LAMA1: variants seen among roughly 807,000 people sequenced by gnomAD.
The protein encoded by LAMA1 is laminin subunit alpha 1.
LAMA1 carries 219 observed loss-of-function variants against 348.7 expected under a neutral mutation model. The observed-to-expected ratio is 0.63, with a 90% CI of 0.56 to 0.70. The LOEUF (loss-of-function observed/expected upper bound fraction) is 0.70. LAMA1 is among the 30% of genes least tolerant of loss of function. The pLI is 0.00. For missense variants in LAMA1, 3,744 were observed against 3,888.0 expected (o/e 0.96, Z 0.99); for synonymous variants, 1,487 against 1,491.0 (o/e 1.00, Z 0.06).
chr18:6,992,782 G>T (rs1023907694), intron 35 of LAMA1, 62 bp from the exon 36 acceptor site: 19 of 1,421,436 alleles, frequency 1.3e-5, no homozygotes, highest in Non-Finnish European at 1.9e-5. Flanking sequence ...ACCAAGTGAA[G>T]AACTTAGAAA....
At chr18:7,097,175 TAAC>T (rs1262668024) in intron 1 of LAMA1, among the ~76,000 whole-genome samples, 12 of 151,482 alleles carry the variant, frequency 7.9e-5, no homozygotes, top group African/African-American at 2.7e-4. Flanking sequence ...AAAATTGTAA[TAAC>T]GAGATCCTGG....
At chr18:7,087,447 T>C (rs1250322648) in intron 1 of LAMA1, among the ~76,000 whole-genome samples, 1 of 152,214 alleles carries the variant, frequency 6.6e-6, no homozygotes, top group African/African-American at 2.4e-5. Flanking sequence ...TCCTGGAGGA[T>C]GGCTTTGCTT....
chr18:6,991,052 C>T (rs1377644117), intron 36 of LAMA1, among the ~76,000 whole-genome samples: 6 of 152,082 alleles, frequency 3.9e-5, no homozygotes, highest in African/African-American at 1.4e-4. Flanking sequence ...GCCCATCTCC[C>T]AGGACCACGT....
Position 6,959,494 on chromosome 18 carries a change from T to G in LAMA1, c.7627-2A>C. 1.2e-6 allele frequency: 2 copies of G among 1,614,138 alleles called. No individual in the cohort carries two copies. The highest frequency in any genetic ancestry group is 1.7e-6 in the Non-Finnish European group (2 of 1,180,024). ...GATCAGCATGACGGAAAAGAAGGGC[T>G]GGGGAGGTTGCATAGAGAATTTCCC... is the stretch of plus-strand genomic sequence containing the variant. On this transcript the variant is annotated splice_acceptor_variant, in intron 53 of 62. Transcript: ENST00000389658. LOFTEE classifies it high-confidence loss of function.
chr18:6,954,775 G>A, intron 57 of LAMA1: 1 of 184,932 alleles, frequency 5.4e-6, no homozygotes, highest in Admixed American at 5.3e-5. Context: ...AACAAGACGG[G>A]CAGGGCATGG....
intron 1 of LAMA1, among the ~76,000 whole-genome samples, chr18:7,098,935 C>G (rs1458587601): frequency 8.6e-5 from 13 of 152,030 alleles, no homozygotes; most frequent in Non-Finnish European, 1.5e-4. Flanking sequence ...TGAGGAGCCC[C>G]TCTGCCCGGC....
intron 61 of LAMA1, among the ~76,000 whole-genome samples, chr18:6,945,621 G>C (rs2057518162): frequency 6.6e-6 from 1 of 152,158 alleles, no homozygotes; most frequent in South Asian, 2.1e-4. Flanking sequence ...GGACCAGAGA[G>C]ACACCATCCC....
chr18:7,023,124 G>T, intron 19 of LAMA1, 40 bp downstream of exon 19: 1 of 1,586,232 alleles, frequency 6.3e-7, no homozygotes, highest in Non-Finnish European at 8.6e-7. Flanking sequence ...ACTTCCTATG[G>T]CAATAAACAG....
intron 42 of LAMA1, among the ~76,000 whole-genome samples, chr18:6,979,804 C>G (rs1358951599): frequency 6.6e-6 from 1 of 151,970 alleles, no homozygotes. Flanking sequence ...GAGGCTGAGG[C>G]AGGAGAATGG....
At position 7,044,803 on chromosome 18, in the gene LAMA1, C is replaced by T. The variant is rs2058035333; in HGVS notation, c.895G>A (p.Glu299Lys). ...CCAGGACAGCACCTGTTACAGCTCT[C>T]CCCGCAAGTATTATGCTCACATTGA... Reference protein sequence around the residue: ...QCQCEHNTCGESCNRCCPGYH... With the variant: ...QCQCEHNTCGKSCNRCCPGYH... Residue 299 changes from glutamate to lysine, a missense_variant, in exon 7 of 63, where the codon GAG becomes AAG. By Grantham distance (56) the Glu-to-Lys change is moderately conservative. This residue lies in a region of LAMA1 where 1,529 missense variants were observed against 1,689.4 expected (regional missense o/e 0.91). Transcript: ENST00000389658. 1.2e-6 allele frequency: 2 copies of T among 1,614,142 alleles called. No homozygotes were observed. The highest frequency in any genetic ancestry group is 1.6e-4 in the Middle Eastern group (1 of 6,062).
intron 50 of LAMA1, 152 bp from the exon 51 acceptor site, chr18:6,964,955 G>T: frequency 1.1e-6 from 1 of 931,932 alleles, no homozygotes; most frequent in Non-Finnish European, 1.7e-6. Flanking sequence ...GCTATTGAAG[G>T]ACAAGTGAAA....
intron 1 of LAMA1, among the ~76,000 whole-genome samples, chr18:7,114,318 A>G (rs1045543007): frequency 3.9e-5 from 6 of 152,192 alleles, no homozygotes; most frequent in African/African-American, 1.4e-4. Context: ...CATTTTATAG[A>G]TAGAAAGCTG....
chr18:7,084,614 C>G (rs1429383747), intron 1 of LAMA1, among the ~76,000 whole-genome samples: 1 of 152,226 alleles, frequency 6.6e-6, no homozygotes, highest in African/African-American at 2.4e-5. Context: ...TAAAGCCAAA[C>G]TCCATCGAGC....
chr18:6,968,281 C>T (rs963571264), intron 48 of LAMA1, among the ~76,000 whole-genome samples: 1 of 152,180 alleles, frequency 6.6e-6, no homozygotes, highest in African/African-American at 2.4e-5. Context: ...ACCAGACCTC[C>T]CTGATTCTCC....
At chr18:7,061,765 T>C (rs780364308) in intron 3 of LAMA1, among the ~76,000 whole-genome samples, 38 of 152,260 alleles carry the variant, frequency 2.5e-4, no homozygotes, top group African/African-American at 8.7e-4. Flanking sequence ...ATGATGTAGA[T>C]GGGCGCGGTG....
chr18:7,026,187 G>A (rs2057942354), intron 16 of LAMA1, 81 bp from the exon 17 acceptor site: 1 of 1,521,596 alleles, frequency 6.6e-7, no homozygotes, highest in Non-Finnish European at 8.9e-7. Flanking sequence ...TGAAGTCCAA[G>A]CGGAAAAAAA....
chr18:7,011,308 C>G lies in LAMA1; in HGVS notation c.3679G>C (p.Gly1227Arg). The stretch of plus-strand genomic sequence containing the variant: ...CTGGGCGTGCACCTCACCTGGTCTC[C>G]TTGGAACTGCTGCGGCAGCCGCCAG... ...FYWRLPQQFQ[G>R]DQLMAYGGKL... The change falls in exon 25 of 63, where the codon GGA becomes CGA. Residue 1227 changes from glycine (G) to arginine (R), a missense_variant. By Grantham distance (125) the Gly-to-Arg change is moderately radical. Around this residue, in one of 3 missense-constraint regions of LAMA1, gnomAD observed 1,529 missense variants for 1,689.4 expected, o/e 0.91. Transcript: ENST00000389658. 1 of 1,610,366 alleles carries G rather than the reference C, an allele frequency of 6.2e-7. No individual in the cohort carries two copies. The highest frequency in any genetic ancestry group is 1.7e-5 in the Admixed American group (1 of 59,744).
chr18:7,064,268 T>A (rs535349810), intron 3 of LAMA1, among the ~76,000 whole-genome samples: 1 of 151,926 alleles, frequency 6.6e-6, no homozygotes, highest in Admixed American at 6.6e-5. Context: ...TATTTTATAA[T>A]AACACCCCCT....
chr18:6,978,119 G>T, intron 43 of LAMA1, 77 bp downstream of exon 43: 1 of 1,565,602 alleles, frequency 6.4e-7, no homozygotes, highest in Non-Finnish European at 8.8e-7. Flanking sequence ...TGTGAAAAAC[G>T]CACCACTGTG....
Sources: gnomAD v4.1 joint callset for allele counts (sites outside exome capture counted in the v4.1 genomes callset) on GRCh38, gnomAD v4.1.1 for gene constraint, gnomAD v4.1.1 regional missense constraint, MANE v1.5 for transcripts, NCBI Gene and HGNC (gene_info 2026-07-23, HGNC 2026-07-21) for gene names.